Variants in RAMP1 observed in about 807,000 individuals in gnomAD.
RAMP1 encodes the protein receptor activity-modifying protein 1.
RAMP1 carries 7 observed loss-of-function variants against 8.2 expected under a neutral mutation model. The ratio of observed to expected loss-of-function variants is 0.85; its 90% CI spans 0.49 to 1.60. RAMP1 has a LOEUF of 1.60. Ranked by LOEUF, RAMP1 falls within the 40% of genes most tolerant of loss-of-function variation. The pLI is 0.00. For missense variants in RAMP1, 192 were observed against 202.4 expected (o/e 0.95, Z 0.31); for synonymous variants, 92 against 84.7 (o/e 1.09, Z -0.47).
At chr2:237,910,396 CAG>C (rs370659576) in intron 2 of RAMP1, among the ~76,000 whole-genome samples, 5 of 149,104 alleles carry the variant, frequency 3.4e-5, no homozygotes, top group African/African-American at 7.5e-5. Context: ...CACACACACA[CAG>C]AGTAACACAG....
At chr2:237,896,970 A>C (rs2062548585) in intron 2 of RAMP1, among the ~76,000 whole-genome samples, 1 of 152,154 alleles carries the variant, frequency 6.6e-6, no homozygotes, top group Non-Finnish European at 1.5e-5. Context: ...TGGACAGCAG[A>C]GGGGCCAGGC....
In RAMP1 at chr2:237,877,888, C is replaced by T. The variant is rs2062325607; in HGVS notation, c.191+526C>T. On this transcript the variant is annotated intron_variant, in intron 2 of 2. Transcript: ENST00000254661. This position sits in a 1 kb window ranked among gnomAD's most constrained non-coding sequence, Gnocchi z 4.4. ...ACCCTTCCCCACCTGGCCCGATCCT[C>T]CTGCCCAAGGGCCCTTCTTCCCGCT... The T allele has an allele frequency of 4.3e-6, 4 of 925,986 alleles. No homozygotes were observed. The African/African-American group carries it at 5.4e-5, about 12-fold the overall frequency. 57.4% of individuals were successfully genotyped at this position (925,986 alleles called of 1,614,324 possible).
chr2:237,872,767 C>G (rs2062259918), intron 1 of RAMP1, among the ~76,000 whole-genome samples: 1 of 152,242 alleles, frequency 6.6e-6, no homozygotes, highest in Non-Finnish European at 1.5e-5. Context: ...TGGCTCACGC[C>G]TGTAATCCCA....
At chr2:237,893,388 T>A (rs1163260149) in intron 2 of RAMP1, among the ~76,000 whole-genome samples, 2 of 152,220 alleles carry the variant, frequency 1.3e-5, no homozygotes, top group Non-Finnish European at 2.9e-5. Flanking sequence ...TGGTGTGCAG[T>A]GCAGTTTCCT....
Position 237,911,785 on chromosome 2 carries a change from C to T in RAMP1, c.*2C>T, listed in dbSNP as rs187057542. The T allele has an allele frequency of 2.7e-5, 43 of 1,599,168 alleles. No homozygotes were observed. In the East Asian group the frequency reaches 2.9e-4, roughly 11 times the overall value. On this transcript the variant is annotated 3_prime_UTR_variant, in exon 3 of 3. Transcript: ENST00000254661. ...AAGCGCACTGAGGGCATTGTGTAGG[C>T]GGGGCCCAGGCTGCCCGCGGGTGCA... is the stretch of plus-strand genomic sequence containing the variant.
At chr2:237,899,130 G>A (rs555515509) in intron 2 of RAMP1, among the ~76,000 whole-genome samples, 3 of 152,186 alleles carry the variant, frequency 2.0e-5, no homozygotes, top group South Asian at 2.1e-4. Flanking sequence ...GAGTGCAGTG[G>A]CATGATCTCC....
At position 237,877,404 on chromosome 2, in the gene RAMP1, G is replaced by A; in HGVS notation, c.191+42G>A. On this transcript the variant is annotated intron_variant, in intron 2 of 2. Transcript: ENST00000254661. This position sits in a 1 kb window ranked among gnomAD's most constrained non-coding sequence, Gnocchi z 4.4. ...CTGGTGGGCAGGACACGGTTGGGGA[G>A]GGAGAGGGGGCAAGCGGAGGAGGAG... The A allele has an allele frequency of 6.3e-7, 1 of 1,586,398 alleles. No homozygotes were observed. The highest frequency in any genetic ancestry group is 8.6e-7 in the Non-Finnish European group (1 of 1,166,142).
At chr2:237,888,829 C>CTT (rs2062461531) in intron 2 of RAMP1, among the ~76,000 whole-genome samples, 1 of 151,952 alleles carries the variant, frequency 6.6e-6, no homozygotes. Context: ...TGGAGTGCAG[C>CTT]GGCACAATCT....
chr2:237,891,054 A>C (rs1390732435), intron 2 of RAMP1, among the ~76,000 whole-genome samples: 2 of 152,156 alleles, frequency 1.3e-5, no homozygotes, highest in Non-Finnish European at 2.9e-5. Context: ...TTTCTTGAAA[A>C]TAATAAAGAC....
At chr2:237,875,562 G>A (rs189227990) in intron 1 of RAMP1, among the ~76,000 whole-genome samples, 3 of 152,272 alleles carry the variant, frequency 2.0e-5, no homozygotes, top group Non-Finnish European at 4.4e-5. Context: ...GAGCTCCTCC[G>A]TGGGGCTTTT....
At position 237,859,660 on chromosome 2, in the gene RAMP1, G is replaced by A. The variant is rs1393419595; in HGVS notation, c.-16G>A. ...GGCGCGTGGCGAGCGGACTCGACTC[G>A]GCACCGCTGTGCACCATGGCCCGGG... On this transcript the variant is annotated 5_prime_UTR_variant, in exon 1 of 3. Coordinates refer to ENST00000254661, the MANE Select transcript of RAMP1 (RefSeq NM_005855.4). The A allele has an allele frequency of 6.8e-7, 1 of 1,467,838 alleles. No individual in the cohort carries two copies. Among genetic ancestry groups the A allele is most frequent in the Admixed American group, 2.4e-5 (1 of 41,468 alleles). 90.9% of individuals were successfully genotyped at this position (1,467,838 alleles called of 1,614,324 possible). A position where few individuals can be genotyped will look rare whatever the true frequency, so the allele number is the denominator to read the frequency against.
chr2:237,903,047 C>T (rs990216078), intron 2 of RAMP1, among the ~76,000 whole-genome samples: 6 of 152,170 alleles, frequency 3.9e-5, no homozygotes, highest in Non-Finnish European at 7.3e-5. Flanking sequence ...AGCAGAGAGA[C>T]TGGGTCTCAC....
intron 2 of RAMP1, among the ~76,000 whole-genome samples, chr2:237,885,153 A>G (rs2062415495): frequency 6.6e-6 from 1 of 152,160 alleles, no homozygotes; most frequent in Non-Finnish European, 1.5e-5. Flanking sequence ...ATTCTTCAGA[A>G]CTCAGCAGCA....
At chr2:237,867,802 C>G (rs923678895) in intron 1 of RAMP1, among the ~76,000 whole-genome samples, 1 of 152,160 alleles carries the variant, frequency 6.6e-6, no homozygotes, top group African/African-American at 2.4e-5. Flanking sequence ...TTGCTCTGTA[C>G]TTTACCTTGG....
chr2:237,909,034 A>G (rs1228733456), intron 2 of RAMP1, among the ~76,000 whole-genome samples: 8 of 152,080 alleles, frequency 5.3e-5, no homozygotes, highest in Non-Finnish European at 8.8e-5. Context: ...ACGGGGGTGA[A>G]GGGGACTCAG....
At chr2:237,910,576 TAC>T (rs2062701077) in intron 2 of RAMP1, among the ~76,000 whole-genome samples, 2 of 143,122 alleles carry the variant, frequency 1.4e-5, no homozygotes, top group African/African-American at 5.3e-5. Flanking sequence ...GAATAACAGT[TAC>T]ACAGTCACAC....
chr2:237,876,557 C>T (rs1445016253), intron 1 of RAMP1, among the ~76,000 whole-genome samples: 1 of 152,166 alleles, frequency 6.6e-6, no homozygotes, highest in African/African-American at 2.4e-5. Flanking sequence ...CCCCCAGCTG[C>T]CCTACGAGGT....
intron 1 of RAMP1, among the ~76,000 whole-genome samples, chr2:237,860,740 C>T (rs1292031410): frequency 6.6e-6 from 1 of 152,182 alleles, no homozygotes; most frequent in Middle Eastern, 3.2e-3. Flanking sequence ...CCGCACAAGA[C>T]CTCTTTGGCG....
Position 237,909,026 on chromosome 2 carries a change from G to A in RAMP1, c.192-2502G>A, listed in dbSNP as rs367725754. Among the ~76,000 whole-genome samples, 43 of 152,270 alleles carry A rather than the reference G, an allele frequency of 2.8e-4. No individual in the cohort carries two copies. In the East Asian group the frequency reaches 7.7e-3, roughly 27 times the overall value. ...GGCATCACACTGGCATCATGGATAC[G>A]GGGGTGAAGGGGACTCAGCACCTGC... On this transcript the variant is annotated intron_variant, in intron 2 of 2. Transcript: ENST00000254661.
Sources: allele counts gnomAD v4.1 joint callset (sites outside exome capture counted in the v4.1 genomes callset), GRCh38; gene constraint gnomAD v4.1.1; non-coding constraint Gnocchi (gnomAD v3.1); transcripts MANE v1.5; gene names NCBI Gene and HGNC (gene_info 2026-07-23, HGNC 2026-07-21).